The following SLC25A21 variants were observed in gnomAD, a reference collection of about 807,000 sequenced individuals.
The protein encoded by SLC25A21 is mitochondrial 2-oxodicarboxylate carrier.
A neutral mutation model predicts 43.8 loss-of-function variants in SLC25A21; 47 were observed. The ratio of observed to expected loss-of-function variants is 1.07; its 90% CI spans 0.85 to 1.37. The LOEUF (loss-of-function observed/expected upper bound fraction) is 1.37. Ranked by LOEUF, SLC25A21 falls within the 40% of genes most tolerant of loss-of-function variation. The pLI, the probability that SLC25A21 is intolerant of heterozygous loss-of-function variation, is 0.00. For missense variants in SLC25A21, 352 were observed against 350.2 expected, an observed-to-expected ratio of 1.00 and a Z score of -0.04; for synonymous variants, 131 against 121.3, an observed-to-expected ratio of 1.08 and a Z score of -0.52.
intron 2 of SLC25A21, among the ~76,000 whole-genome samples, chr14:36,839,649 T>A (rs865874): frequency 0.67 from 102,291 of 152,052 alleles, 34,897 homozygotes; most frequent in South Asian, 0.81. Flanking sequence ...AGATCAAGGC[T>A]TATCTGCAGT....
intron 2 of SLC25A21, among the ~76,000 whole-genome samples, chr14:36,843,647 A>C (rs1889453338): frequency 1.3e-5 from 2 of 152,288 alleles, no homozygotes; most frequent in African/African-American, 4.8e-5. Flanking sequence ...ACCTCATCCT[A>C]AATACTTCAC....
At chr14:36,900,719 G>T (rs1010188383) in intron 1 of SLC25A21, among the ~76,000 whole-genome samples, 3 of 152,122 alleles carry the variant, frequency 2.0e-5, no homozygotes, top group Admixed American at 6.6e-5. Flanking sequence ...TTAACTTGTG[G>T]ATAAGGCCCT....
chr14:36,892,643 AC>A, intron 1 of SLC25A21, among the ~76,000 whole-genome samples: 1 of 152,084 alleles, frequency 6.6e-6, no homozygotes. Context: ...GGTGTGCTGC[AC>A]CCATTAACTC....
intron 1 of SLC25A21, among the ~76,000 whole-genome samples, chr14:36,887,329 G>A (rs1890946583): frequency 1.3e-5 from 2 of 151,822 alleles, no homozygotes; most frequent in Admixed American, 6.6e-5. Context: ...TTGGGAGGCC[G>A]AGATGGGCAG....
intron 3 of SLC25A21, among the ~76,000 whole-genome samples, chr14:36,745,578 A>AT (rs1182466720): frequency 6.6e-6 from 1 of 152,108 alleles, no homozygotes; most frequent in East Asian, 1.9e-4. Flanking sequence ...TTTGATTTGC[A>AT]TTTCTCTGAT....
At chr14:37,121,212 G>A (rs1455580474) in intron 1 of SLC25A21, among the ~76,000 whole-genome samples, 1 of 152,132 alleles carries the variant, frequency 6.6e-6, no homozygotes, top group South Asian at 2.1e-4. Context: ...GAAAAGATTA[G>A]TCCAGAATTT....
intron 2 of SLC25A21, among the ~76,000 whole-genome samples, chr14:36,842,981 T>C (rs568337221): frequency 6.6e-6 from 1 of 152,216 alleles, no homozygotes; most frequent in Admixed American, 6.5e-5. Flanking sequence ...CAAGCATTAG[T>C]TAGAGTCTCA....
At chr14:36,960,405 G>A (rs1049506708) in intron 1 of SLC25A21, among the ~76,000 whole-genome samples, 3 of 151,914 alleles carry the variant, frequency 2.0e-5, no homozygotes, top group African/African-American at 7.3e-5. Flanking sequence ...GGTGAGGGGT[G>A]GCAAGAACTG....
At chr14:36,683,463 G>T (rs935848201) in intron 9 of SLC25A21, among the ~76,000 whole-genome samples, 3 of 152,198 alleles carry the variant, frequency 2.0e-5, no homozygotes, top group Admixed American at 6.5e-5. Context: ...TTAGGAGCAC[G>T]AGGAAACGTT....
At chr14:37,032,669 T>C (rs867821469) in intron 1 of SLC25A21, among the ~76,000 whole-genome samples, 1 of 43,866 alleles carries the variant, frequency 2.3e-5, no homozygotes, top group African/African-American at 4.8e-4. Context: ...AGACTCTGTC[T>C]CAAAAAAAAA....
chr14:37,028,835 TG>T (rs1175710926), intron 1 of SLC25A21, among the ~76,000 whole-genome samples: 17 of 152,062 alleles, frequency 1.1e-4, no homozygotes, highest in African/African-American at 4.1e-4. Context: ...ATTACTTAAG[TG>T]GTTTAAAGCC....
Position 36,725,613 on chromosome 14 carries a change from A to G in SLC25A21, c.395T>C (p.Val132Ala), listed in dbSNP as rs911378422. The G allele has an allele frequency of 2.5e-6, 4 of 1,596,660 alleles. No individual in the cohort carries two copies. Among genetic ancestry groups the G allele is most frequent in the African/African-American group, 2.7e-5 (2 of 73,992 alleles). ...ATTTGCTTGCAAGCCAACTTTTACTACCTCAAAAGGGTTAACTACAATGGC... is the reference window on the plus strand; with the variant it reads ...ATTTGCTTGCAAGCCAACTTTTACTGCCTCAAAAGGGTTAACTACAATGGC... Reference protein sequence around the residue: ...TEAIVVNPFEVVKVGLQANRN... With the variant: ...TEAIVVNPFEAVKVGLQANRN... Residue 132 changes from valine to alanine, a missense_variant, in exon 6 of 10, where the codon GTA (valine) becomes GCA (alanine). Physicochemically the swap from Val to Ala is moderately conservative, Grantham distance 64. Transcript: ENST00000331299.
intron 1 of SLC25A21, among the ~76,000 whole-genome samples, chr14:37,018,783 C>T (rs1283787620): frequency 1.3e-5 from 2 of 151,974 alleles, no homozygotes; most frequent in African/African-American, 2.4e-5. Context: ...GAAATCTACA[C>T]TTCTTGGCTT....
At chr14:36,779,915 G>A (rs1006687709) in intron 3 of SLC25A21, among the ~76,000 whole-genome samples, 1 of 151,748 alleles carries the variant, frequency 6.6e-6, no homozygotes, top group African/African-American at 2.4e-5. Flanking sequence ...TCTACCAACA[G>A]TGGCTTTGTT....
chr14:37,015,651 T>A (rs989356901), intron 1 of SLC25A21, among the ~76,000 whole-genome samples: 3 of 151,378 alleles, frequency 2.0e-5, no homozygotes, highest in Non-Finnish European at 4.4e-5. Flanking sequence ...AGTTTACAGT[T>A]CCACCAACAG....
At chr14:36,985,997 C>G (rs921313593) in intron 1 of SLC25A21, among the ~76,000 whole-genome samples, 3 of 152,094 alleles carry the variant, frequency 2.0e-5, no homozygotes, top group Admixed American at 2.0e-4. Flanking sequence ...TAAGACACTA[C>G]AAAGCTTATA....
At chr14:36,919,633 A>G (rs1334631600) in intron 1 of SLC25A21, among the ~76,000 whole-genome samples, 6 of 150,276 alleles carry the variant, frequency 4.0e-5, no homozygotes, top group African/African-American at 1.5e-4. Flanking sequence ...CTATCTATCT[A>G]TCTATCTATC....
At chr14:36,862,277 A>C (rs978752840) in intron 2 of SLC25A21, among the ~76,000 whole-genome samples, 3 of 152,240 alleles carry the variant, frequency 2.0e-5, no homozygotes, top group African/African-American at 7.2e-5. Flanking sequence ...TCAAAGGATT[A>C]GAAATCATTC....
chr14:37,072,179 CAAAAAAAAA>C (rs36060373), intron 1 of SLC25A21, among the ~76,000 whole-genome samples: 1 of 79,032 alleles, frequency 1.3e-5, no homozygotes, highest in African/African-American at 4.8e-5. Flanking sequence ...GAGACTGTCT[CAAAAAAAAA>C]AAAAAAAAAA....
Sources: gnomAD v4.1 joint callset for allele counts (sites outside exome capture counted in the v4.1 genomes callset) on GRCh38, gnomAD v4.1.1 for gene constraint, MANE v1.5 for transcripts, NCBI Gene and HGNC (gene_info 2026-07-23, HGNC 2026-07-21) for gene names.